Variants in SND1 observed in about 807,000 individuals in gnomAD.
SND1 encodes staphylococcal nuclease domain-containing protein 1.
A neutral mutation model predicts 121.7 loss-of-function variants in SND1; 38 were observed. The ratio of observed to expected loss-of-function variants is 0.31; its 90% CI spans 0.24 to 0.41. The LOEUF (loss-of-function observed/expected upper bound fraction) is 0.41, where lower values mean the gene tolerates loss of function less well. Ranked by LOEUF, SND1 falls within the 10% of genes least tolerant of loss-of-function variation. The probability of loss-of-function intolerance (pLI) is 1.00; values close to 1 mark genes in which losing one functional copy is unlikely to be tolerated. For synonymous variants in SND1, 401 were observed against 447.4 expected (o/e 0.90, Z 1.31); for missense variants, 868 against 1,184.6 (o/e 0.73, Z 3.92).
chr7:128,073,304 AT>A (rs763997740), intron 16 of SND1, among the ~76,000 whole-genome samples: 33 of 152,256 alleles, frequency 2.2e-4, no homozygotes, highest in Non-Finnish European at 4.6e-4. Flanking sequence ...GACTCCACAT[AT>A]CCCCTTCTAT....
intron 12 of SND1, among the ~76,000 whole-genome samples, chr7:127,846,072 T>C (rs555265508): frequency 1.3e-5 from 2 of 152,270 alleles, no homozygotes; most frequent in African/African-American, 4.8e-5. Flanking sequence ...CTAGTCTGGG[T>C]TTCTATTACA....
chr7:128,047,836 T>C (rs1162539982), intron 16 of SND1, among the ~76,000 whole-genome samples: 2 of 152,162 alleles, frequency 1.3e-5, no homozygotes, highest in African/African-American at 2.4e-5. Context: ...TGACTTATTG[T>C]TTATGAACCT....
At chr7:128,067,612 A>G (rs905969769) in intron 16 of SND1, among the ~76,000 whole-genome samples, 3 of 152,122 alleles carry the variant, frequency 2.0e-5, no homozygotes, top group African/African-American at 7.2e-5. Context: ...CTTCCTTGGT[A>G]CGGGAGCATC....
At position 128,089,626 on chromosome 7, in the gene SND1, G is replaced by A. The variant is rs2117071412; in HGVS notation, c.2556G>A (p.Gly852=). The A allele has an allele frequency of 6.2e-7, 1 of 1,614,210 alleles. No homozygotes were observed. The highest frequency in any genetic ancestry group is 1.6e-4 in the Middle Eastern group (1 of 6,062). ...LQFADSKGDV[G]LGLVKEGLVM... Reference sequence around the variant, plus strand: ...TTGCAGATTCCAAGGGCGATGTGGGGCTGGGCTTGGTGAAGGAAGGGCTGG... The same window carrying A: ...TTGCAGATTCCAAGGGCGATGTGGGACTGGGCTTGGTGAAGGAAGGGCTGG... Residue 852 remains glycine (G), a synonymous_variant, in exon 22 of 24, where the codon GGG becomes GGA. Transcript: ENST00000354725.
At chr7:127,934,618 T>C (rs1380941494) in intron 15 of SND1, among the ~76,000 whole-genome samples, 1 of 151,158 alleles carries the variant, frequency 6.6e-6, no homozygotes, top group Admixed American at 6.6e-5. Flanking sequence ...GAGTGGGGGG[T>C]GGTGTTGAGT....
At chr7:128,019,032 C>G (rs1803291151) in intron 16 of SND1, among the ~76,000 whole-genome samples, 1 of 152,186 alleles carries the variant, frequency 6.6e-6, no homozygotes, top group African/African-American at 2.4e-5. Context: ...AAATGTCCAT[C>G]AGTTTTGTCC....
At chr7:127,667,290 A>G (rs1175576425) in intron 1 of SND1, among the ~76,000 whole-genome samples, 1 of 152,206 alleles carries the variant, frequency 6.6e-6, no homozygotes, top group Non-Finnish European at 1.5e-5. Flanking sequence ...ATGACTTTAC[A>G]GGAACAAACC....
At chr7:127,666,915 G>A (rs1288608590) in intron 1 of SND1, among the ~76,000 whole-genome samples, 1 of 152,140 alleles carries the variant, frequency 6.6e-6, no homozygotes, top group Non-Finnish European at 1.5e-5. Context: ...ATTCCTTTAT[G>A]ATAATCTCCC....
chr7:127,909,885 A>G (rs912055390), intron 14 of SND1, among the ~76,000 whole-genome samples: 3 of 152,188 alleles, frequency 2.0e-5, no homozygotes, highest in Non-Finnish European at 2.9e-5. Flanking sequence ...AATGTGAAGG[A>G]TTGAAGTGTT....
chr7:128,016,271 C>T (rs1803222814), intron 16 of SND1, among the ~76,000 whole-genome samples: 1 of 151,746 alleles, frequency 6.6e-6, no homozygotes. Flanking sequence ...ATGTGCACCA[C>T]CCTGCCCAAC....
At chr7:127,762,298 G>A (rs905226286) in intron 10 of SND1, among the ~76,000 whole-genome samples, 2 of 152,164 alleles carry the variant, frequency 1.3e-5, no homozygotes, top group African/African-American at 4.8e-5. Context: ...TCAGAGGCTG[G>A]AAGTCCAAAA....
chr7:127,951,856 TTATC>T (rs932862996), intron 15 of SND1, among the ~76,000 whole-genome samples: 6 of 152,182 alleles, frequency 3.9e-5, no homozygotes, highest in African/African-American at 1.4e-4. Flanking sequence ...CAAAACCACT[TTATC>T]TAGCTGAGGA....
intron 11 of SND1, among the ~76,000 whole-genome samples, chr7:127,815,063 ATCT>A (rs1402054450): frequency 1.3e-5 from 2 of 152,050 alleles, no homozygotes; most frequent in Non-Finnish European, 2.9e-5. Context: ...CTGAGCAGTT[ATCT>A]TCTTCTGGCA....
chr7:127,820,892 T>G (rs1798535486), intron 11 of SND1, among the ~76,000 whole-genome samples: 1 of 152,180 alleles, frequency 6.6e-6, no homozygotes, highest in African/African-American at 2.4e-5. Flanking sequence ...AAAAAGTGAT[T>G]TGCTAAATGC....
chr7:127,653,952 C>A (rs1465411678), intron 1 of SND1, among the ~76,000 whole-genome samples: 1 of 152,146 alleles, frequency 6.6e-6, no homozygotes, highest in Non-Finnish European at 1.5e-5. Context: ...GCTCTTCTTT[C>A]GTTAGCTTTT....
chr7:127,890,613 G>A (rs1799993408), intron 13 of SND1, among the ~76,000 whole-genome samples: 1 of 152,132 alleles, frequency 6.6e-6, no homozygotes, highest in Non-Finnish European at 1.5e-5. Context: ...AATTCTGACA[G>A]GCAGGTAAGC....
At chr7:127,765,042 C>T (rs1042300855) in intron 10 of SND1, among the ~76,000 whole-genome samples, 1 of 152,110 alleles carries the variant, frequency 6.6e-6, no homozygotes, top group African/African-American at 2.4e-5. Flanking sequence ...GTAACATTCT[C>T]TTTGGGAGAC....
In SND1 at chr7:127,714,610, A is replaced by G. The variant is rs186672682; in HGVS notation, c.1039-6677A>G. ...TCTCTACAACTCTTCATTTTATAAA[A>G]CTGAAACTATACTCATTAAGCAATA... On this transcript the variant is annotated intron_variant, in intron 9 of 23. Transcript: ENST00000354725. 9.2e-5 allele frequency among the ~76,000 whole-genome samples: 14 copies of G among 152,324 alleles called. No individual in the cohort carries two copies. In the East Asian group the frequency reaches 1.9e-3, roughly 21 times the overall value.
At chr7:128,040,585 A>G (rs1792838164) in intron 16 of SND1, among the ~76,000 whole-genome samples, 1 of 152,042 alleles carries the variant, frequency 6.6e-6, no homozygotes, top group South Asian at 2.1e-4. Flanking sequence ...AGCATCTGTA[A>G]AGTGGCAACA....
Sources: gnomAD v4.1 joint callset for allele counts (sites outside exome capture counted in the v4.1 genomes callset) on GRCh38, gnomAD v4.1.1 for gene constraint, MANE v1.5 for transcripts, NCBI Gene and HGNC (gene_info 2026-07-23, HGNC 2026-07-21) for gene names.